Variants in PACRG observed in about 807,000 individuals in gnomAD.
The protein encoded by PACRG is parkin coregulated gene protein.
A neutral mutation model predicts 29.7 loss-of-function variants in PACRG; 29 were observed. The observed-to-expected ratio is 0.98, with a 90% CI of 0.73 to 1.33. The LOEUF (loss-of-function observed/expected upper bound fraction) is 1.33. PACRG is among the 40% of genes most tolerant of loss of function. The probability of loss-of-function intolerance (pLI) is 0.00; values close to 1 mark genes in which losing one functional copy is unlikely to be tolerated. For synonymous variants in PACRG, 116 were observed against 118.7 expected (o/e 0.98, Z 0.15); for missense variants, 279 against 316.2 (o/e 0.88, Z 0.89).
At chr6:162,890,319 T>C (rs1052731502) in intron 2 of PACRG, among the ~76,000 whole-genome samples, 14 of 152,218 alleles carry the variant, frequency 9.2e-5, no homozygotes, top group African/African-American at 3.1e-4. Context: ...CCTTATGATA[T>C]GATATGATGA....
intron 1 of PACRG, among the ~76,000 whole-genome samples, chr6:162,775,790 A>G (rs1241572725): frequency 6.6e-6 from 1 of 152,180 alleles, no homozygotes; most frequent in Non-Finnish European, 1.5e-5. Flanking sequence ...AGTCTTAGCT[A>G]ACACTTACGT....
intron 2 of PACRG, among the ~76,000 whole-genome samples, chr6:163,006,710 A>G (rs1805152412): frequency 6.6e-6 from 1 of 152,000 alleles, no homozygotes; most frequent in South Asian, 2.1e-4. Context: ...TATTCGTGGT[A>G]AATTTCTGTA....
chr6:163,263,080 G>T (rs1783393568), intron 4 of PACRG, among the ~76,000 whole-genome samples: 2 of 148,636 alleles, frequency 1.3e-5, no homozygotes, highest in South Asian at 4.4e-4. Context: ...AAATTTGTCT[G>T]CAATTGTGAA....
chr6:162,940,524 CTATT>C (rs1392928994), intron 2 of PACRG, among the ~76,000 whole-genome samples: 1 of 152,162 alleles, frequency 6.6e-6, no homozygotes, highest in African/African-American at 2.4e-5. Flanking sequence ...TCTGTCCTCT[CTATT>C]TGAGTCCAGA....
At chr6:162,760,174 G>T (rs1782235045) in intron 1 of PACRG, among the ~76,000 whole-genome samples, 1 of 152,174 alleles carries the variant, frequency 6.6e-6, no homozygotes, top group African/African-American at 2.4e-5. Flanking sequence ...GTGCCTCTAG[G>T]CAAGGCTACT....
chr6:163,134,821 C>A (rs1048024143), intron 4 of PACRG, among the ~76,000 whole-genome samples: 1 of 152,156 alleles, frequency 6.6e-6, no homozygotes, highest in Non-Finnish European at 1.5e-5. Context: ...CTATGAATCC[C>A]TGTGTACCTA....
chr6:162,984,858 GT>G (rs35361176), intron 2 of PACRG, among the ~76,000 whole-genome samples: 72,763 of 146,694 alleles, frequency 0.5, 18,473 homozygotes, highest in East Asian at 0.73. Flanking sequence ...GATGCGATTG[GT>G]TTTTTTTTTT....
chr6:163,296,589 C>A (rs1190235286), intron 4 of PACRG, among the ~76,000 whole-genome samples: 1 of 152,208 alleles, frequency 6.6e-6, no homozygotes, highest in Non-Finnish European at 1.5e-5. Flanking sequence ...AGCCACTGCG[C>A]CCAGCCCACC....
At chr6:163,117,599 A>G (rs1362904262) in intron 4 of PACRG, among the ~76,000 whole-genome samples, 1 of 152,032 alleles carries the variant, frequency 6.6e-6, no homozygotes, top group Non-Finnish European at 1.5e-5. Flanking sequence ...TAAAAATACA[A>G]AATGAGCTGG....
intron 4 of PACRG, among the ~76,000 whole-genome samples, chr6:163,151,227 C>T (rs943512056): frequency 6.6e-6 from 1 of 152,114 alleles, no homozygotes; most frequent in Admixed American, 6.5e-5. Context: ...AGAATGAAAC[C>T]TTTGTTGGCC....
At chr6:163,029,484 C>A (rs1296546184) in intron 2 of PACRG, among the ~76,000 whole-genome samples, 1 of 152,160 alleles carries the variant, frequency 6.6e-6, no homozygotes, top group Non-Finnish European at 1.5e-5. Flanking sequence ...ACCCAGCACA[C>A]TTCTCCCTTT....
At chr6:163,105,112 C>A (rs1328067823) in intron 4 of PACRG, among the ~76,000 whole-genome samples, 18 of 152,042 alleles carry the variant, frequency 1.2e-4, no homozygotes, top group Non-Finnish European at 1.5e-5. Context: ...GTAAGTTTTT[C>A]TTGATTTCCC....
At chr6:162,792,626 C>T (rs187582874) in intron 1 of PACRG, among the ~76,000 whole-genome samples, 1 of 152,040 alleles carries the variant, frequency 6.6e-6, no homozygotes, top group Non-Finnish European at 1.5e-5. Flanking sequence ...GTCTCTAGTC[C>T]CAGTGTTATA....
chr6:163,037,723 A>T (rs57432193), intron 2 of PACRG, among the ~76,000 whole-genome samples: 36,845 of 152,082 alleles, frequency 0.24, 5,032 homozygotes, highest in East Asian at 0.46. Context: ...TACAGCACAG[A>T]CGCATGTGCA....
At chr6:162,752,969 A>C (rs981183745) in intron 1 of PACRG, among the ~76,000 whole-genome samples, 4 of 151,936 alleles carry the variant, frequency 2.6e-5, no homozygotes, top group Non-Finnish European at 4.4e-5. Context: ...AAACTTATTA[A>C]TGTTATTTTG....
intron 2 of PACRG, among the ~76,000 whole-genome samples, chr6:163,057,932 A>C (rs1049909357): frequency 2.0e-5 from 3 of 152,234 alleles, no homozygotes; most frequent in Admixed American, 2.0e-4. Context: ...CAGTCTGGTC[A>C]ATTCTGAAAA....
intron 4 of PACRG, among the ~76,000 whole-genome samples, chr6:163,250,906 T>TATATATATATAC (rs1026185460): frequency 2.9e-4 from 43 of 149,314 alleles, no homozygotes; most frequent in African/African-American, 1.0e-3. Context: ...TATATATATA[T>TATATATATATAC]ACACTATGGA....
At chr6:163,074,879 ACT>A (rs1276151982) in intron 3 of PACRG, among the ~76,000 whole-genome samples, 1 of 152,112 alleles carries the variant, frequency 6.6e-6, no homozygotes, top group African/African-American at 2.4e-5. Flanking sequence ...AGTCCCAGCT[ACT>A]GGAGTGGGAG....
chr6:163,278,347 A>G (rs1171389927), intron 4 of PACRG, among the ~76,000 whole-genome samples: 1 of 152,104 alleles, frequency 6.6e-6, no homozygotes, highest in African/African-American at 2.4e-5. Flanking sequence ...ATTAAGTCCC[A>G]TCTATTTATT....
Sources: gnomAD v4.1 joint callset for allele counts (sites outside exome capture counted in the v4.1 genomes callset) on GRCh38, gnomAD v4.1.1 for gene constraint, MANE v1.5 for transcripts, NCBI Gene and HGNC (gene_info 2026-07-23, HGNC 2026-07-21) for gene names.